Variants in MAST2 observed in about 807,000 individuals in gnomAD.
MAST2 encodes microtubule-associated serine/threonine-protein kinase 2.
MAST2 carries 70 observed loss-of-function variants against 147.4 expected under a neutral mutation model. That is an observed-to-expected ratio of 0.47 (90% CI 0.39 to 0.58). MAST2 has a LOEUF of 0.58. Ranked by LOEUF, MAST2 falls within the 20% of genes least tolerant of loss-of-function variation. The pLI, the probability that MAST2 is intolerant of heterozygous loss-of-function variation, is 0.00. For synonymous variants in MAST2, 869 were observed against 896.8 expected (o/e 0.97, Z 0.55); for missense variants, 2,080 against 2,302.3 (o/e 0.90, Z 1.98).
intron 5 of MAST2, among the ~76,000 whole-genome samples, chr1:45,994,274 C>CTTTTTTTTTT (rs869216588): frequency 0.055 from 3,385 of 62,014 alleles, 473 homozygotes; most frequent in East Asian, 0.09. Context: ...CCCTAACCCT[C>CTTTTTTTTTT]TTTTTTTTTT....
At chr1:45,983,944 A>G (rs952689774) in intron 5 of MAST2, among the ~76,000 whole-genome samples, 1 of 152,210 alleles carries the variant, frequency 6.6e-6, no homozygotes, top group Non-Finnish European at 1.5e-5. Flanking sequence ...TGTGCCATGA[A>G]AAAAGCAATT....
chr1:46,002,086 G>A (rs1222593455), intron 6 of MAST2, among the ~76,000 whole-genome samples: 3 of 152,040 alleles, frequency 2.0e-5, no homozygotes, highest in Non-Finnish European at 4.4e-5. Flanking sequence ...CCCCTCTACA[G>A]TAAAGCAAAT....
chr1:46,007,474 A>G (rs1275194246), intron 8 of MAST2, among the ~76,000 whole-genome samples: 1 of 152,248 alleles, frequency 6.6e-6, no homozygotes, highest in Non-Finnish European at 1.5e-5. Flanking sequence ...AGAGGCCCAC[A>G]GTGATGCTCA....
chr1:45,912,784 T>C (rs1413731619), intron 4 of MAST2, among the ~76,000 whole-genome samples: 1 of 152,232 alleles, frequency 6.6e-6, no homozygotes, highest in Admixed American at 6.5e-5. Flanking sequence ...TCCTATTTGT[T>C]GGGACTAATC....
At chr1:45,926,443 A>G (rs1210398222) in intron 4 of MAST2, among the ~76,000 whole-genome samples, 1 of 151,976 alleles carries the variant, frequency 6.6e-6, no homozygotes, top group Non-Finnish European at 1.5e-5. Context: ...ATATGTCCAT[A>G]CTGCAGAAGC....
intron 4 of MAST2, among the ~76,000 whole-genome samples, chr1:45,916,952 C>T (rs1652635945): frequency 6.6e-6 from 1 of 152,176 alleles, no homozygotes; most frequent in Non-Finnish European, 1.5e-5. Context: ...GTGGTGCATG[C>T]CTGTAATCCC....
chr1:45,915,506 C>T (rs1323333406), intron 4 of MAST2, among the ~76,000 whole-genome samples: 1 of 152,014 alleles, frequency 6.6e-6, no homozygotes, highest in Non-Finnish European at 1.5e-5. Context: ...GTCAGGAGAT[C>T]GAGACCATCC....
At chr1:45,926,419 A>C (rs1025052293) in intron 4 of MAST2, among the ~76,000 whole-genome samples, 9 of 137,850 alleles carry the variant, frequency 6.5e-5, no homozygotes, top group African/African-American at 2.1e-4. Flanking sequence ...TTTCCCTTGG[A>C]TATATTGCCT....
chr1:45,930,851 A>G (rs1655176016), intron 4 of MAST2, among the ~76,000 whole-genome samples: 3 of 152,190 alleles, frequency 2.0e-5, no homozygotes, highest in Admixed American at 1.3e-4. Context: ...TTTACAAAAA[A>G]CAAGGAATAT....
chr1:45,919,079 T>C (rs1570713164), intron 4 of MAST2, among the ~76,000 whole-genome samples: 2 of 152,018 alleles, frequency 1.3e-5, no homozygotes, highest in African/African-American at 4.8e-5. Context: ...GCTGAGATCA[T>C]ACCACTGCAC....
intron 3 of MAST2, among the ~76,000 whole-genome samples, chr1:45,862,486 GAT>G (rs1646013926): frequency 1.9e-5 from 2 of 106,032 alleles, no homozygotes; most frequent in African/African-American, 7.7e-5. Flanking sequence ...GAGGACTGAA[GAT>G]TTTTTTTTTT....
chr1:45,931,391 T>TTTG (rs1432095355), intron 4 of MAST2, among the ~76,000 whole-genome samples: 1 of 148,434 alleles, frequency 6.7e-6, no homozygotes, highest in Non-Finnish European at 1.5e-5. Context: ...TTTTTTTTTT[T>TTTG]TTTTTTTTGA....
In MAST2 at chr1:46,035,024, T is replaced by C. The variant is rs1300929918; in HGVS notation, c.4355T>C (p.Val1452Ala). The stretch of plus-strand genomic sequence containing the variant: ...AGGGAAGTGAGCCCTCTGGAGGTAG[T>C]TGGAGCCAGGAGTGTGCTGTCTGGC... ...PPREVSPLEVVGARSVLSGKG... is the reference protein window; with the variant it reads ...PPREVSPLEVAGARSVLSGKG... Residue 1452 changes from valine (V) to alanine (A), a missense_variant, in exon 29 of 29, where the codon GTT becomes GCT. By Grantham distance (64) the Val-to-Ala change is moderately conservative. Coordinates refer to ENST00000361297, the MANE Select transcript of MAST2 (RefSeq NM_015112.3). The surrounding 1 kb of genome is among the most constrained non-coding windows in gnomAD (Gnocchi z 5.5). 6 of 1,613,792 alleles carry C rather than the reference T, an allele frequency of 3.7e-6. No individual in the cohort carries two copies. The highest frequency in any genetic ancestry group is 5.1e-6 in the Non-Finnish European group (6 of 1,180,014).
At chr1:45,818,846 A>G (rs951555179) in intron 1 of MAST2, among the ~76,000 whole-genome samples, 1 of 152,220 alleles carries the variant, frequency 6.6e-6, no homozygotes, top group Admixed American at 6.5e-5. Flanking sequence ...TTTGCTTTTT[A>G]TCTAACTTCA....
intron 3 of MAST2, among the ~76,000 whole-genome samples, chr1:45,852,752 TC>T (rs1264691616): frequency 2.0e-5 from 3 of 152,058 alleles, no homozygotes; most frequent in Admixed American, 1.3e-4. Flanking sequence ...GTTTTTGAGA[TC>T]CGTCTAAATT....
chr1:45,805,586 A>C (rs929062868), intron 1 of MAST2, among the ~76,000 whole-genome samples: 2 of 152,302 alleles, frequency 1.3e-5, no homozygotes, highest in East Asian at 3.9e-4. Context: ...TTCCTGTCTC[A>C]GTTTACCTGT....
chr1:45,997,354 T>C (rs1271519331), intron 5 of MAST2, among the ~76,000 whole-genome samples: 1 of 152,186 alleles, frequency 6.6e-6, no homozygotes, highest in African/African-American at 2.4e-5. Flanking sequence ...TGTTGCCCTT[T>C]GAGAAAGTGT....
chr1:46,008,297 C>T lies in MAST2; in HGVS notation c.904C>T (p.Pro302Ser). ...AMRPRSRSLSPGRSPVSFDSE... is the reference protein window; with the variant it reads ...AMRPRSRSLSSGRSPVSFDSE... ...CACAATCATTTCTTTCTTTTTTAGT[C>T]CCGGACGATCCCCAGTATCCTTTGA... The change falls in exon 9 of 29, where the codon CCC becomes TCC. Residue 302 changes from proline (P) to serine (S), a missense_variant and splice_region_variant. Coordinates refer to ENST00000361297, the MANE Select transcript of MAST2 (RefSeq NM_015112.3). 1 of 1,608,342 alleles carries T rather than the reference C, an allele frequency of 6.2e-7. No homozygotes were observed. The highest frequency in any genetic ancestry group is 1.1e-5 in the South Asian group (1 of 90,940).
intron 5 of MAST2, among the ~76,000 whole-genome samples, chr1:45,977,211 G>A (rs931180781): frequency 5.9e-5 from 9 of 152,218 alleles, no homozygotes; most frequent in African/African-American, 1.4e-4. Context: ...GAATTTCACC[G>A]GGCACGTGGC....
Sources: gnomAD v4.1 joint callset for allele counts (sites outside exome capture counted in the v4.1 genomes callset) on GRCh38, gnomAD v4.1.1 for gene constraint, Gnocchi (gnomAD v3.1) non-coding constraint, MANE v1.5 for transcripts, NCBI Gene and HGNC (gene_info 2026-07-23, HGNC 2026-07-21) for gene names.